Variants in CDIN1 observed in about 807,000 individuals in gnomAD.
CDIN1 encodes the protein CDAN1 interacting nuclease 1.
In CDIN1, 33 loss-of-function variants were observed where a neutral mutation model predicts 45.3. The ratio of observed to expected loss-of-function variants is 0.73; its 90% CI spans 0.55 to 0.97. The LOEUF is 0.97. Among genes scored for constraint, CDIN1 ranks in the 50% least tolerant of loss-of-function variants. CDIN1 has a pLI of 0.00. For synonymous variants in CDIN1, 118 were observed against 124.4 expected, an observed-to-expected ratio of 0.95 and a Z score of 0.34; for missense variants, 303 against 339.4, an observed-to-expected ratio of 0.89 and a Z score of 0.84.
chr15:36,740,356 C>G lies in CDIN1; in HGVS notation c.716+30395C>G, dbSNP rs532591437. 2.0e-5 allele frequency among the ~76,000 whole-genome samples: 3 copies of G among 152,164 alleles called. No individual in the cohort carries two copies. The East Asian group carries it at 5.8e-4, about 29-fold the overall frequency. On this transcript the variant is annotated intron_variant, in intron 10 of 10. Coordinates refer to ENST00000566621, the MANE Select transcript of CDIN1 (RefSeq NM_001321759.2). ...TACGTAAGAGGAGATAGTAAATATA[C>G]TTAGGCATCCTAACTAACCATACCT...
At chr15:36,631,872 C>T (rs2039693949) in intron 1 of CDIN1, among the ~76,000 whole-genome samples, 1 of 151,992 alleles carries the variant, frequency 6.6e-6, no homozygotes, top group South Asian at 2.1e-4. Flanking sequence ...GTTCTCTTGC[C>T]CAGGCTGGAG....
chr15:36,623,928 A>T (rs1417486990), intron 1 of CDIN1, among the ~76,000 whole-genome samples: 1 of 152,214 alleles, frequency 6.6e-6, no homozygotes, highest in Admixed American at 6.5e-5. Context: ...TTTGGAGAAG[A>T]TACTTCACTT....
At chr15:36,675,123 T>A (rs143147600) in intron 5 of CDIN1, among the ~76,000 whole-genome samples, 33 of 152,248 alleles carry the variant, frequency 2.2e-4, no homozygotes, top group African/African-American at 7.2e-4. Flanking sequence ...ATGTTCTTAT[T>A]ATCCTGGCAT....
At chr15:36,648,959 C>G (rs879403051) in intron 3 of CDIN1, among the ~76,000 whole-genome samples, 5 of 152,044 alleles carry the variant, frequency 3.3e-5, no homozygotes, top group Admixed American at 6.6e-5. Context: ...AATCTGTTTC[C>G]CAGCTATATC....
At chr15:36,719,592 A>G (rs1014609321) in intron 10 of CDIN1, among the ~76,000 whole-genome samples, 1 of 152,040 alleles carries the variant, frequency 6.6e-6, no homozygotes, top group African/African-American at 2.4e-5. Flanking sequence ...TTTTCCTTCT[A>G]AAGTATTTAT....
intron 10 of CDIN1, among the ~76,000 whole-genome samples, chr15:36,755,538 G>A (rs899439984): frequency 2.0e-5 from 3 of 152,064 alleles, no homozygotes; most frequent in African/African-American, 7.2e-5. Flanking sequence ...GTAGTGCAGT[G>A]TAATATACAT....
intron 2 of CDIN1, 85 bp downstream of exon 2, chr15:36,644,408 A>G: frequency 7.1e-6 from 10 of 1,416,594 alleles, no homozygotes; most frequent in Non-Finnish European, 9.8e-6. Flanking sequence ...TTGAACTGCC[A>G]GCTCTCTGAT....
chr15:36,608,182 C>T (rs1026817774), intron 1 of CDIN1, among the ~76,000 whole-genome samples: 6 of 152,156 alleles, frequency 3.9e-5, no homozygotes, highest in African/African-American at 1.2e-4. Context: ...GTTTTTGTTT[C>T]TCTTGGATAG....
intron 5 of CDIN1, among the ~76,000 whole-genome samples, chr15:36,658,583 A>T (rs1041014797): frequency 6.6e-6 from 1 of 152,176 alleles, no homozygotes; most frequent in Non-Finnish European, 1.5e-5. Flanking sequence ...CAACTGCCCC[A>T]TAAATATTTG....
In CDIN1 at chr15:36,791,510, T is replaced by C. The variant is rs145006700; in HGVS notation, c.717-16814T>C. Among the ~76,000 whole-genome samples the C allele has an allele frequency of 8.3e-3, 1,265 of 152,322 alleles. 9 individuals are homozygous for C. Among genetic ancestry groups the C allele is most frequent in the Non-Finnish European group, 0.013 (860 of 68,030 alleles). On this transcript the variant is annotated intron_variant, in intron 10 of 10. Coordinates refer to ENST00000566621, the MANE Select transcript of CDIN1 (RefSeq NM_001321759.2). ...GAATCATAAATCTTCTAAGTCTACA[T>C]AAAGGCCATAAATTCATATGGATTT... is the stretch of plus-strand genomic sequence containing the variant.
intron 10 of CDIN1, among the ~76,000 whole-genome samples, chr15:36,738,710 C>A (rs1000747716): frequency 6.6e-6 from 1 of 152,102 alleles, no homozygotes; most frequent in Admixed American, 6.5e-5. Flanking sequence ...CCTAATCTGA[C>A]CCCCCCAACA....
At chr15:36,601,654 C>T (rs1595727668) in intron 1 of CDIN1, among the ~76,000 whole-genome samples, 1 of 152,292 alleles carries the variant, frequency 6.6e-6, no homozygotes, top group South Asian at 2.1e-4. Context: ...CAAAGCAGAA[C>T]ATTTTTAGCT....
intron 8 of CDIN1, 184 bp from the exon 9 acceptor site, chr15:36,709,039 A>G (rs1254625320): frequency 2.4e-6 from 1 of 424,310 alleles, no homozygotes; most frequent in Non-Finnish European, 4.1e-6. Flanking sequence ...GCATATCTGA[A>G]GCATATTTAC....
At chr15:36,784,422 T>C (rs2054435485) in intron 10 of CDIN1, among the ~76,000 whole-genome samples, 1 of 152,176 alleles carries the variant, frequency 6.6e-6, no homozygotes, top group Non-Finnish European at 1.5e-5. Flanking sequence ...TCAAAGCAAT[T>C]GTAAAGGACT....
chr15:36,776,524 A>G (rs1457020606), intron 10 of CDIN1, among the ~76,000 whole-genome samples: 1 of 152,228 alleles, frequency 6.6e-6, no homozygotes, highest in Non-Finnish European at 1.5e-5. Flanking sequence ...GAGCTAAAAA[A>G]TATTCTTCTT....
intron 5 of CDIN1, among the ~76,000 whole-genome samples, chr15:36,668,449 A>T (rs2041330382): frequency 6.6e-6 from 1 of 152,156 alleles, no homozygotes. Context: ...TGACCAGCTT[A>T]GTCATACAGT....
chr15:36,764,937 G>C (rs1244975300), intron 10 of CDIN1, among the ~76,000 whole-genome samples: 1 of 152,164 alleles, frequency 6.6e-6, no homozygotes, highest in East Asian at 1.9e-4. Flanking sequence ...GAAACTATAT[G>C]CTGAAGATGG....
rs1010226084 is a variant in CDIN1 at position 36,808,396 on chromosome 15, C to T, written c.789C>T (p.Ile263=). Residue 263 remains isoleucine (I), a synonymous_variant, in exon 11 of 11, where the codon ATC becomes ATT. Coordinates refer to ENST00000566621, the MANE Select transcript of CDIN1 (RefSeq NM_001321759.2). ...QELDCNRERG[I]LLKACFPTNI... is the part of the protein sequence containing the mutation. ...TGGACTGCAACCGGGAAAGGGGCAT[C>T]CTGCTCAAAGCCTGTTTCCCCACGA... 1.2e-6 allele frequency: 2 copies of T among 1,613,468 alleles called. No homozygotes were observed. The highest frequency in any genetic ancestry group is 3.3e-5 in the Admixed American group (2 of 59,934).
chr15:36,777,191 C>T (rs1249829451), intron 10 of CDIN1, among the ~76,000 whole-genome samples: 3 of 151,886 alleles, frequency 2.0e-5, no homozygotes, highest in African/African-American at 7.3e-5. Flanking sequence ...TTTACTGAGC[C>T]CAGAGTGTGA....
Sources: allele counts gnomAD v4.1 joint callset (sites outside exome capture counted in the v4.1 genomes callset), GRCh38; gene constraint gnomAD v4.1.1; transcripts MANE v1.5; gene names NCBI Gene and HGNC (gene_info 2026-07-23, HGNC 2026-07-21).